CACNA2D3: variants seen among roughly 807,000 people sequenced by gnomAD.
CACNA2D3 encodes the protein calcium voltage-gated channel auxiliary subunit alpha2delta 3.
CACNA2D3 carries 60 observed loss-of-function variants against 160.6 expected under a neutral mutation model. The observed-to-expected ratio is 0.37, with a 90% CI of 0.30 to 0.46. The LOEUF is 0.46. Among genes scored for constraint, CACNA2D3 ranks in the 20% least tolerant of loss-of-function variants. The pLI, the probability that CACNA2D3 is intolerant of heterozygous loss-of-function variation, is 1.00. For synonymous variants in CACNA2D3, 558 were observed against 492.9 expected (o/e 1.13, Z -1.75); for missense variants, 1,205 against 1,365.0 (o/e 0.88, Z 1.85).
chr3:54,410,550 C>A (rs1400864594), intron 4 of CACNA2D3, among the ~76,000 whole-genome samples: 2 of 152,120 alleles, frequency 1.3e-5, no homozygotes, highest in East Asian at 3.9e-4. Flanking sequence ...ATAAATGGAA[C>A]AACAAAGCCT....
intron 8 of CACNA2D3, among the ~76,000 whole-genome samples, chr3:54,580,411 C>T (rs548061035): frequency 5.9e-5 from 9 of 152,170 alleles, no homozygotes; most frequent in Non-Finnish European, 1.2e-4. Context: ...TTCCCAAACT[C>T]GTATCTTTAT....
At chr3:54,273,075 G>T (rs922774952) in intron 2 of CACNA2D3, 2 of 152,336 alleles carry the variant, frequency 1.3e-5, no homozygotes, top group African/African-American at 4.8e-5. Flanking sequence ...TGCACGTCCA[G>T]CTCTTCCGCT....
chr3:54,767,124 C>T (rs1431645328), intron 13 of CACNA2D3, among the ~76,000 whole-genome samples: 1 of 151,576 alleles, frequency 6.6e-6, no homozygotes, highest in African/African-American at 2.4e-5. Flanking sequence ...CCTTTTTGCA[C>T]AGTTTTGACT....
intron 2 of CACNA2D3, among the ~76,000 whole-genome samples, chr3:54,163,961 G>A (rs73085912): frequency 0.086 from 13,095 of 152,250 alleles, 757 homozygotes; most frequent in Middle Eastern, 0.13. Context: ...GAGAGGGAGA[G>A]GGAATAGCCC....
At chr3:54,821,718 T>TTCCTTCCTTCTTTC (rs10640637) in intron 14 of CACNA2D3, among the ~76,000 whole-genome samples, 9 of 117,668 alleles carry the variant, frequency 7.6e-5, no homozygotes, top group African/African-American at 1.8e-4. Flanking sequence ...CCTTCTTTCC[T>TTCCTTCCTTCTTTC]CTCTCTCTCT....
intron 6 of CACNA2D3, among the ~76,000 whole-genome samples, chr3:54,565,964 C>T (rs1262485781): frequency 6.6e-6 from 1 of 152,168 alleles, no homozygotes; most frequent in Non-Finnish European, 1.5e-5. Context: ...TCACTAGCTG[C>T]AAGAATAACA....
At position 54,763,902 on chromosome 3, in the gene CACNA2D3, G is replaced by C. The variant is rs937067943; in HGVS notation, c.1247-316G>C. Among the ~76,000 whole-genome samples, 12 of 102,558 alleles carry C rather than the reference G, an allele frequency of 1.2e-4. 2 individuals are homozygous for C. Among genetic ancestry groups the C allele is most frequent in the Non-Finnish European group, 1.8e-4 (9 of 49,604 alleles). The allele number at this position is 102,558 out of a possible 152,430, so 67.3% of individuals were successfully genotyped here. ...ATATGTATATATATGTATGTGGGGG[G>C]GGGGGGTGCATATAAAGTTAGGGAG... On this transcript the variant is annotated intron_variant, in intron 12 of 37. Coordinates refer to ENST00000474759, the MANE Select transcript of CACNA2D3 (RefSeq NM_018398.3).
At chr3:54,518,477 T>C (rs998400454) in intron 5 of CACNA2D3, among the ~76,000 whole-genome samples, 11 of 152,186 alleles carry the variant, frequency 7.2e-5, no homozygotes, top group African/African-American at 2.4e-4. Context: ...CACAGAGTCC[T>C]GGCGTCTTCT....
rs1409320564 is a variant in CACNA2D3 at position 55,074,453 on chromosome 3, T to C, written c.*247T>C. 1 of 507,460 alleles carries C rather than the reference T, an allele frequency of 2.0e-6. No homozygotes were observed. The highest frequency in any genetic ancestry group is 3.5e-6 in the Non-Finnish European group (1 of 283,030). 31.4% of individuals were successfully genotyped at this position (507,460 alleles called of 1,614,324 possible). A position where few individuals can be genotyped will look rare whatever the true frequency, so the allele number is the denominator to read the frequency against. On this transcript the variant is annotated 3_prime_UTR_variant, in exon 38 of 38. Coordinates refer to ENST00000474759, the MANE Select transcript of CACNA2D3 (RefSeq NM_018398.3). ...TTTGCCACATGATAATCACCCTTCA[T>C]CAGAAATGGGACCGCAAGTGGTAGG...
chr3:54,775,521 G>C (rs1397823813), intron 13 of CACNA2D3, among the ~76,000 whole-genome samples: 3 of 152,088 alleles, frequency 2.0e-5, no homozygotes, highest in African/African-American at 7.2e-5. Context: ...AAGTAATCAG[G>C]TGTCAACCTC....
rs554144035 is a variant in CACNA2D3 at position 54,307,416 on chromosome 3, G to T, written c.205-13026G>T. Among the ~76,000 whole-genome samples, 48 of 152,282 alleles carry T rather than the reference G, an allele frequency of 3.2e-4. No homozygotes were observed. The South Asian group carries it at 4.4e-3, about 14-fold the overall frequency. On this transcript the variant is annotated intron_variant, in intron 2 of 37. Transcript: ENST00000474759. Reference sequence around the variant, plus strand: ...GACCCGTGGGCTGCTGTGGGAAAATGGGAGGCAATGAGATGTTTCCATAAA... The same window carrying T: ...GACCCGTGGGCTGCTGTGGGAAAATTGGAGGCAATGAGATGTTTCCATAAA...
intron 4 of CACNA2D3, among the ~76,000 whole-genome samples, chr3:54,422,119 C>T (rs78166597): frequency 4.6e-5 from 7 of 152,182 alleles, no homozygotes; most frequent in African/African-American, 7.2e-5. Context: ...TTGGAGAAAA[C>T]GAGCCCTGCT....
chr3:54,736,031 A>ATATATATG (rs1701500248), intron 11 of CACNA2D3, among the ~76,000 whole-genome samples: 3 of 61,710 alleles, frequency 4.9e-5, no homozygotes, highest in Non-Finnish European at 6.7e-5. Context: ...ATACATATAT[A>ATATATATG]TATGTATATA....
chr3:54,986,303 T>C (rs1702612210), intron 30 of CACNA2D3, among the ~76,000 whole-genome samples: 1 of 152,166 alleles, frequency 6.6e-6, no homozygotes, highest in Non-Finnish European at 1.5e-5. Context: ...AAGCCTGCGA[T>C]AGACCCAGTG....
At chr3:54,926,409 C>G (rs1423621191) in intron 27 of CACNA2D3, among the ~76,000 whole-genome samples, 1 of 151,888 alleles carries the variant, frequency 6.6e-6, no homozygotes, top group Non-Finnish European at 1.5e-5. Context: ...CTTCCTCCCT[C>G]CAGAGTCTGT....
At chr3:54,672,864 C>T (rs1373595816) in intron 11 of CACNA2D3, among the ~76,000 whole-genome samples, 1 of 152,190 alleles carries the variant, frequency 6.6e-6, no homozygotes, top group African/African-American at 2.4e-5. Flanking sequence ...ACGAGTAAAT[C>T]CTCAAGAGAT....
Position 54,122,571 on chromosome 3 carries a change from A to C in CACNA2D3, c.-143A>C, listed in dbSNP as rs186723454. 1.8e-4 allele frequency: 15 copies of C among 82,344 alleles called. No individual in the cohort carries two copies. The highest frequency in any genetic ancestry group is 2.4e-4 in the Non-Finnish European group (12 of 50,692). 5.1% of individuals were successfully genotyped at this position (82,344 alleles called of 1,614,324 possible). On this transcript the variant is annotated 5_prime_UTR_variant, in exon 1 of 38. Coordinates refer to ENST00000474759, the MANE Select transcript of CACNA2D3 (RefSeq NM_018398.3). Reference sequence around the variant, plus strand: ...CCACCCGCTCCTTTTTCTGCTCCCCAAGTGAGCCGGGCGCGCGAGAGGCAG... The same window carrying C: ...CCACCCGCTCCTTTTTCTGCTCCCCCAGTGAGCCGGGCGCGCGAGAGGCAG...
At chr3:54,839,757 G>A (rs760642284) in intron 16 of CACNA2D3, among the ~76,000 whole-genome samples, 2 of 152,160 alleles carry the variant, frequency 1.3e-5, no homozygotes, top group African/African-American at 2.4e-5. Context: ...GTGGAGGCAG[G>A]CAGTGGTTAG....
chr3:54,255,448 T>C (rs1702274462), intron 2 of CACNA2D3, among the ~76,000 whole-genome samples: 1 of 152,212 alleles, frequency 6.6e-6, no homozygotes, highest in African/African-American at 2.4e-5. Flanking sequence ...AATCTACTTC[T>C]ACTTGAAGTA....
Sources: gnomAD v4.1 joint callset for allele counts (sites outside exome capture counted in the v4.1 genomes callset) on GRCh38, gnomAD v4.1.1 for gene constraint, MANE v1.5 for transcripts, NCBI Gene and HGNC (gene_info 2026-07-23, HGNC 2026-07-21) for gene names.